Variants in DAD1 observed in about 807,000 individuals in gnomAD.
DAD1 encodes the protein dolichyl-diphosphooligosaccharide--protein glycosyltransferase subunit DAD1.
DAD1 carries 4 observed loss-of-function variants against 9.0 expected under a neutral mutation model. That is an observed-to-expected ratio of 0.44 (90% CI 0.22 to 1.01). The LOEUF (loss-of-function observed/expected upper bound fraction) is 1.01, where lower values mean the gene tolerates loss of function less well. Ranked by LOEUF, DAD1 falls within the 50% of genes least tolerant of loss-of-function variation. DAD1 has a pLI of 0.24. For synonymous variants in DAD1, 60 were observed against 62.5 expected, an observed-to-expected ratio of 0.96 and a Z score of 0.19; for missense variants, 119 against 137.3, an observed-to-expected ratio of 0.87 and a Z score of 0.67.
chr14:22,589,211 A>G lies in DAD1; in HGVS notation c.-54T>C, dbSNP rs1199471333. Reference sequence around the variant, plus strand: ...CCCCAAACTCTTGGAGGACCCGTCGACCACACCGGATGTGCTGTTTGCGCA... The same window carrying G: ...CCCCAAACTCTTGGAGGACCCGTCGGCCACACCGGATGTGCTGTTTGCGCA... On this transcript the variant is annotated 5_prime_UTR_variant, in exon 1 of 3. Transcript: ENST00000250498. 4 of 1,585,670 alleles carry G rather than the reference A, an allele frequency of 2.5e-6. No homozygotes were observed. The African/African-American group carries it at 5.4e-5, about 21-fold the overall frequency.
chr14:22,580,513 A>G (rs2037108963), intron 1 of DAD1, among the ~76,000 whole-genome samples: 3 of 152,204 alleles, frequency 2.0e-5, no homozygotes, highest in Admixed American at 2.0e-4. Context: ...AATCTGAAGA[A>G]ATAGAAAACT....
chr14:22,577,055 C>T (rs1039513129), intron 1 of DAD1, among the ~76,000 whole-genome samples: 1 of 152,144 alleles, frequency 6.6e-6, no homozygotes, highest in East Asian at 1.9e-4. Flanking sequence ...AACAGTACTG[C>T]GTTTCCTCAA....
At chr14:22,580,837 G>C (rs994435546) in intron 1 of DAD1, among the ~76,000 whole-genome samples, 7 of 152,060 alleles carry the variant, frequency 4.6e-5, no homozygotes, top group African/African-American at 1.7e-4. Flanking sequence ...ACCACTTACA[G>C]AATCTGGTAA....
At chr14:22,566,396 G>A (rs984241885) in intron 2 of DAD1, among the ~76,000 whole-genome samples, 19 of 151,730 alleles carry the variant, frequency 1.3e-4, no homozygotes, top group East Asian at 3.9e-4. Flanking sequence ...GTGCAATGGC[G>A]TGATCTCGGG....
At chr14:22,571,778 G>A (rs1023927683) in intron 2 of DAD1, among the ~76,000 whole-genome samples, 3 of 151,616 alleles carry the variant, frequency 2.0e-5, no homozygotes, top group Admixed American at 6.6e-5. Context: ...TACAGGCACC[G>A]GCCACCACGC....
At chr14:22,579,065 A>C (rs1400481167) in intron 1 of DAD1, among the ~76,000 whole-genome samples, 1 of 152,174 alleles carries the variant, frequency 6.6e-6, no homozygotes, top group African/African-American at 2.4e-5. Context: ...CTCATTCTTG[A>C]GAACCTCACA....
At chr14:22,582,703 T>C (rs2037125733) in intron 1 of DAD1, among the ~76,000 whole-genome samples, 1 of 151,790 alleles carries the variant, frequency 6.6e-6, no homozygotes. Flanking sequence ...AACTTAAATT[T>C]CTTCATTTAA....
Position 22,574,987 on chromosome 14 carries a change from T to A in DAD1, c.*44+72A>T, listed in dbSNP as rs5742798. The A allele has an allele frequency of 0.049, 67,656 of 1,375,232 alleles. 2,943 individuals are homozygous for A. The highest frequency in any genetic ancestry group is 0.22 in the African/African-American group (15,245 of 68,510). 85.2% of individuals were successfully genotyped at this position (1,375,232 alleles called of 1,614,324 possible). A position where few individuals can be genotyped will look rare whatever the true frequency, so the allele number is the denominator to read the frequency against. On this transcript the variant is annotated intron_variant, in intron 2 of 2. Coordinates refer to ENST00000250498, the MANE Select transcript of DAD1 (RefSeq NM_001344.4). ...AGTATGGGAGCCTGGCCAACCATGA[T>A]CAAAACCAGTCCCATCCAATTTCTC...
At chr14:22,573,383 G>A (rs907972035) in intron 2 of DAD1, among the ~76,000 whole-genome samples, 3 of 152,112 alleles carry the variant, frequency 2.0e-5, no homozygotes, top group African/African-American at 4.8e-5. Context: ...AAGGGAGGAA[G>A]AGGATAACTC....
At chr14:22,575,603 A>T (rs1007645827) in intron 1 of DAD1, among the ~76,000 whole-genome samples, 1 of 152,226 alleles carries the variant, frequency 6.6e-6, no homozygotes, top group Non-Finnish European at 1.5e-5. Context: ...GCTGGAATGC[A>T]GTGGCATGAT....
Position 22,565,003 on chromosome 14 carries a change from T to G in DAD1, c.*179A>C, listed in dbSNP as rs2036993439. 1.6e-6 allele frequency: 1 copy of G among 636,832 alleles called. No homozygotes were observed. Among genetic ancestry groups the G allele is most frequent in the African/African-American group, 1.9e-5 (1 of 53,804 alleles). The allele number at this position is 636,832 out of a possible 1,614,324, so 39.4% of individuals were successfully genotyped here. On this transcript the variant is annotated 3_prime_UTR_variant, in exon 3 of 3. Coordinates refer to ENST00000250498, the MANE Select transcript of DAD1 (RefSeq NM_001344.4). ...ATAAATGTTTGTTAGAAAGTTGTTC[T>G]GACACACAGTGAACTCTGGGCTTTT... is the stretch of plus-strand genomic sequence containing the variant.
intron 1 of DAD1, among the ~76,000 whole-genome samples, chr14:22,588,396 G>A (rs1293123720): frequency 6.6e-6 from 1 of 152,168 alleles, no homozygotes; most frequent in South Asian, 2.1e-4. Flanking sequence ...CTAAAATAGA[G>A]TTATGTGAAC....
rs148418293 is a variant in DAD1, at chr14:22,588,403, G to A, written c.211+544C>T. Among the ~76,000 whole-genome samples the A allele has an allele frequency of 2.9e-3, 444 of 152,274 alleles. 1 individual carries two copies. Among genetic ancestry groups the A allele is most frequent in the South Asian group, 0.013 (64 of 4,832 alleles). On this transcript the variant is annotated intron_variant, in intron 1 of 2. Transcript: ENST00000250498. ...AAATAAGGCTAAAATAGAGTTATGT[G>A]AACAAAAATTGGGTTCAGGACAGTG...
Position 22,575,058 on chromosome 14 carries a change from C to T in DAD1, c.*44+1G>A, listed in dbSNP as rs1315431094. ...GGACAAGGACTATGATCATCACTTA[C>T]ATTCTTTTAGTCTCCTACTCCTCAA... is the stretch of plus-strand genomic sequence containing the variant. On this transcript the variant is annotated splice_donor_variant, in intron 2 of 2. Coordinates refer to ENST00000250498, the MANE Select transcript of DAD1 (RefSeq NM_001344.4). LOFTEE classifies it low-confidence loss of function (3UTR_SPLICE). 2.5e-6 allele frequency: 4 copies of T among 1,603,576 alleles called. No homozygotes were observed. Among genetic ancestry groups the T allele is most frequent in the Non-Finnish European group, 3.4e-6 (4 of 1,172,816 alleles).
chr14:22,579,220 CAAA>C (rs5807179), intron 1 of DAD1, among the ~76,000 whole-genome samples: 1 of 123,998 alleles, frequency 8.1e-6, no homozygotes, highest in Admixed American at 8.5e-5. Flanking sequence ...TCACCATTGA[CAAA>C]AAAAAAAAAA....
At chr14:22,565,563 T>C (rs568423855) in intron 2 of DAD1, among the ~76,000 whole-genome samples, 2 of 152,224 alleles carry the variant, frequency 1.3e-5, no homozygotes, top group East Asian at 1.9e-4. Context: ...GGAGGCAGGG[T>C]AGGGAAGTAA....
At chr14:22,573,907 C>T (rs2037059934) in intron 2 of DAD1, among the ~76,000 whole-genome samples, 1 of 152,068 alleles carries the variant, frequency 6.6e-6, no homozygotes, top group East Asian at 1.9e-4. Context: ...AGTATAGTCA[C>T]TTCCACATTA....
rs5742801 is a variant in DAD1 at position 22,574,780 on chromosome 14, AT to A, written c.*44+278del. 0.092 allele frequency among the ~76,000 whole-genome samples: 13,997 copies of A among 152,246 alleles called. 1,183 individuals are homozygous for A. The highest frequency in any genetic ancestry group is 0.22 in the African/African-American group (9,201 of 41,512). ...ATGTCTCTTCCAAAATCTCCGAGTT[AT>A]TTTCGTGGAGTTATTGGTACAGAAA... On this transcript the variant is annotated intron_variant, in intron 2 of 2. Transcript: ENST00000250498.
intron 1 of DAD1, among the ~76,000 whole-genome samples, chr14:22,579,925 G>A (rs966905664): frequency 9.1e-5 from 13 of 143,432 alleles, no homozygotes; most frequent in African/African-American, 2.1e-4. Flanking sequence ...CTGCAGCCTC[G>A]ACCTCCTGGG....
Sources: gnomAD v4.1 joint callset for allele counts (sites outside exome capture counted in the v4.1 genomes callset) on GRCh38, gnomAD v4.1.1 for gene constraint, MANE v1.5 for transcripts, NCBI Gene and HGNC (gene_info 2026-07-23, HGNC 2026-07-21) for gene names.